Variants in NCAPD3 observed in about 807,000 individuals in gnomAD.
The protein encoded by NCAPD3 is non-SMC condensin II complex subunit D3, also known as condensin-2 complex subunit D3.
Under a neutral mutation model 182.9 loss-of-function variants are expected in NCAPD3, and 105 were observed. The observed-to-expected ratio is 0.57, with a 90% CI of 0.49 to 0.68. The LOEUF (loss-of-function observed/expected upper bound fraction) is 0.68. Ranked by LOEUF, NCAPD3 falls within the 30% of genes least tolerant of loss-of-function variation. NCAPD3 has a pLI of 0.00. For missense variants in NCAPD3, 1,944 were observed against 1,837.0 expected, an observed-to-expected ratio of 1.06 and a Z score of -1.07; for synonymous variants, 815 against 679.9, an observed-to-expected ratio of 1.20 and a Z score of -3.09.
intron 13 of NCAPD3, among the ~76,000 whole-genome samples, chr11:134,197,914 C>A (rs940112453): frequency 2.3e-4 from 35 of 152,214 alleles, no homozygotes; most frequent in Non-Finnish European, 2.4e-4. Flanking sequence ...AAAAACCTCA[C>A]AGCTAACGTC....
chr11:134,168,090 C>A lies in NCAPD3; in HGVS notation c.3479G>T (p.Arg1160Ile). The change falls in exon 27 of 35, where the codon AGA becomes ATA. Residue 1160 changes from arginine (R) to isoleucine (I), a missense_variant. By Grantham distance (97) the Arg-to-Ile change is moderately conservative (BLOSUM62 -3). This residue lies in a region of NCAPD3 where 1,803 missense variants were observed against 1,674.6 expected (regional missense o/e 1.08). Transcript: ENST00000534548. ...AAGGAGGTCTTTGTCTGGTTTAGAT[C>A]TCATTGCCAAAAGCTTGATCTCCTT... ...SSKEIKLLAM[R>I]SKPDKDLLME... is the part of the protein sequence containing the mutation. 1 of 1,614,194 alleles carries A rather than the reference C, an allele frequency of 6.2e-7. No homozygotes were observed. The highest frequency in any genetic ancestry group is 8.5e-7 in the Non-Finnish European group (1 of 1,180,010).
At chr11:134,205,953 A>G (rs1937602801) in intron 8 of NCAPD3, among the ~76,000 whole-genome samples, 3 of 152,140 alleles carry the variant, frequency 2.0e-5, no homozygotes, top group Non-Finnish European at 4.4e-5. Flanking sequence ...TTGCACATGC[A>G]CACCATGTCT....
At position 134,202,841 on chromosome 11, in the gene NCAPD3, G is replaced by A. The variant is rs369457667; in HGVS notation, c.1590C>T (p.Ser530=). The change falls in exon 13 of 35, where the codon AGC becomes AGT. Residue 530 remains serine, a synonymous_variant. Transcript: ENST00000534548. The part of the protein sequence containing the change: ...SEPSGEINID[S]SGETVGSGER... ...CTCCAGATCCAACTGTTTCACCACT[G>A]CTGTCTATGTTGATCTCCCCTGAGG... 1.4e-5 allele frequency: 23 copies of A among 1,608,340 alleles called. No individual in the cohort carries two copies. In the African/African-American group the frequency reaches 3.1e-4, roughly 22 times the overall value.
rs779534410 is a variant in NCAPD3, at chr11:134,158,311, C to T, written c.4034+18G>A. On this transcript the variant is annotated intron_variant, in intron 30 of 34. Coordinates refer to ENST00000534548, the MANE Select transcript of NCAPD3 (RefSeq NM_015261.3). ...CCACAGAGAACCAGCCCTGATGTGG[C>T]CTCCAGGGGCTCTTTACCTGGCTTT... 12 of 1,613,568 alleles carry T rather than the reference C, an allele frequency of 7.4e-6. No individual in the cohort carries two copies. Among genetic ancestry groups the T allele is most frequent in the Non-Finnish European group, 9.3e-6 (11 of 1,179,820 alleles).
At chr11:134,225,031 C>T (rs1938412275), upstream of NCAPD3, 9 of 1,259,112 alleles carry the variant, frequency 7.1e-6, no homozygotes, top group South Asian at 1.3e-4. Context: ...CGCGCTCGCG[C>T]ATCGGGCCCT....
chr11:134,153,435 G>T, intron 32 of NCAPD3, 72 bp from the exon 33 acceptor site: 1 of 1,481,298 alleles, frequency 6.8e-7, no homozygotes, highest in Non-Finnish European at 9.4e-7. Flanking sequence ...AGTTGTCCGT[G>T]GGACGTAGGC....
intron 16 of NCAPD3, among the ~76,000 whole-genome samples, chr11:134,189,212 T>C (rs1944474262): frequency 6.6e-6 from 1 of 152,224 alleles, no homozygotes; most frequent in South Asian, 2.1e-4. Flanking sequence ...ATATTATTTA[T>C]TTGTACCTTT....
chr11:134,157,631 A>C (rs1943460366), intron 31 of NCAPD3, among the ~76,000 whole-genome samples: 1 of 152,218 alleles, frequency 6.6e-6, no homozygotes, highest in South Asian at 2.1e-4. Context: ...TCATAAAACA[A>C]TGCACGCACA....
intron 32 of NCAPD3, 148 bp from the exon 33 acceptor site, chr11:134,153,511 G>T: frequency 1.3e-6 from 1 of 788,454 alleles, no homozygotes; most frequent in East Asian, 2.5e-5. Flanking sequence ...CCCAGGGCCT[G>T]GCAGTGTTGA....
chr11:134,205,065 A>AT, intron 8 of NCAPD3, 94 bp from the exon 9 acceptor site: 1 of 913,166 alleles, frequency 1.1e-6, no homozygotes, highest in Non-Finnish European at 1.8e-6. Context: ...CTAGTTATTA[A>AT]AACACTCTAC....
intron 19 of NCAPD3, 110 bp from the exon 20 acceptor site, chr11:134,181,294 G>A (rs1006460251): frequency 8.7e-6 from 6 of 691,498 alleles, no homozygotes; most frequent in Non-Finnish European, 1.5e-5. Flanking sequence ...TAGGCTGTAG[G>A]GGTGCTTCCT....
chr11:134,203,654 T>C lies in NCAPD3; in HGVS notation c.1468A>G (p.Ser490Gly). The change falls in exon 11 of 35, where the codon AGT (serine) becomes GGT (glycine). Residue 490 changes from serine to glycine, a missense_variant and splice_region_variant. By Grantham distance (56) the Ser-to-Gly change is moderately conservative. Coordinates refer to ENST00000534548, the MANE Select transcript of NCAPD3 (RefSeq NM_015261.3). ...SESILELLIN[S>G]PTFSVIESHP... is the part of the protein sequence containing the mutation. ...CTGTCCCAATAGTCGCCATACTCAC[T>C]GTTAATCAGGAGCTCCAGGATACTC... 1.2e-6 allele frequency: 2 copies of C among 1,611,636 alleles called. No individual in the cohort carries two copies. Among genetic ancestry groups the C allele is most frequent in the Non-Finnish European group, 1.7e-6 (2 of 1,179,830 alleles).
chr11:134,192,804 C>A lies in NCAPD3; in HGVS notation c.1930G>T (p.Asp644Tyr). ...CGGATGTTCTGCAGCAGCAGCTGGT[C>A]CAGGAACTCCAGGGCCTTCTCCTGC... ...TVQEKALEFLDQLLLQNIRHH... is the reference protein window; with the variant it reads ...TVQEKALEFLYQLLLQNIRHH... Residue 644 changes from aspartate to tyrosine, a missense_variant, in exon 16 of 35, where the codon GAC (aspartate) becomes TAC (tyrosine). By Grantham distance (160) the Asp-to-Tyr change is radical (BLOSUM62 -3). Transcript: ENST00000534548. 1 of 1,614,168 alleles carries A rather than the reference C, an allele frequency of 6.2e-7. No individual in the cohort carries two copies. The highest frequency in any genetic ancestry group is 8.5e-7 in the Non-Finnish European group (1 of 1,180,004).
chr11:134,190,374 C>T (rs1050292401), intron 16 of NCAPD3, among the ~76,000 whole-genome samples: 2 of 152,186 alleles, frequency 1.3e-5, no homozygotes, highest in African/African-American at 4.8e-5. Flanking sequence ...ATTGTTGTTA[C>T]TGATTTTTAA....
chr11:134,205,112 T>G (rs912014242), intron 8 of NCAPD3, 141 bp from the exon 9 acceptor site: 1 of 583,528 alleles, frequency 1.7e-6, no homozygotes, highest in Non-Finnish European at 3.0e-6. Flanking sequence ...GAATGAAGAG[T>G]GAAGACATAA....
chr11:134,173,835 C>T (rs961635020), intron 24 of NCAPD3, among the ~76,000 whole-genome samples: 3 of 151,978 alleles, frequency 2.0e-5, no homozygotes, highest in Non-Finnish European at 4.4e-5. Flanking sequence ...GTGGCGCACG[C>T]CTGTGATCCC....
chr11:134,164,295 T>C (rs1245055889), intron 27 of NCAPD3, among the ~76,000 whole-genome samples: 2 of 152,074 alleles, frequency 1.3e-5, no homozygotes, highest in African/African-American at 2.4e-5. Context: ...AAAGAGGAGA[T>C]GAAGAGCAGA....
At chr11:134,154,765 C>A (rs1943373147) in intron 32 of NCAPD3, among the ~76,000 whole-genome samples, 1 of 152,230 alleles carries the variant, frequency 6.6e-6, no homozygotes, top group African/African-American at 2.4e-5. Flanking sequence ...CAGAGCGCTC[C>A]CCGTTCTCCA....
chr11:134,223,234 C>T (rs1037214498), intron 1 of NCAPD3: 10 of 582,624 alleles, frequency 1.7e-5, no homozygotes, highest in Non-Finnish European at 3.1e-5. Context: ...GCACAGTTAA[C>T]ATCAGAAAGC....
Sources: allele counts gnomAD v4.1 joint callset (sites outside exome capture counted in the v4.1 genomes callset), GRCh38; gene constraint gnomAD v4.1.1; regional missense constraint gnomAD v4.1.1; transcripts MANE v1.5; gene names NCBI Gene and HGNC (gene_info 2026-07-23, HGNC 2026-07-21).